The following HUWE1 variants were observed in gnomAD, a reference collection of about 807,000 sequenced individuals.
HUWE1 encodes E3 ubiquitin-protein ligase HUWE1.
In HUWE1, 18 loss-of-function variants were observed where a neutral mutation model predicts 299.4. That is an observed-to-expected ratio of 0.06 (90% CI 0.04 to 0.09). The LOEUF is 0.09. HUWE1 is among the 10% of genes least tolerant of loss of function. The pLI, the probability that HUWE1 is intolerant of heterozygous loss-of-function variation, is 1.00. For missense variants in HUWE1, 1,832 were observed against 3,462.3 expected, an observed-to-expected ratio of 0.53 and a Z score of 11.82; for synonymous variants, 1,317 against 1,286.1, an observed-to-expected ratio of 1.02 and a Z score of -0.51.
chrX:53,579,684 C>T (rs2063507713), intron 43 of HUWE1, among the ~76,000 whole-genome samples: 2 of 97,800 alleles, frequency 2.0e-5, no homozygotes, highest in Non-Finnish European at 4.1e-5. Flanking sequence ...GTGCTGTGTC[C>T]ACTCAGGGTT....
At chrX:53,643,535 A>G (rs1026407241) in intron 7 of HUWE1, among the ~76,000 whole-genome samples, 3 of 111,177 alleles carry the variant, frequency 2.7e-5, no homozygotes, top group Non-Finnish European at 3.8e-5. Context: ...TTGTTTTAGT[A>G]GAGATGGGGT....
rs782366149 is a variant in HUWE1, at chrX:53,612,606, GGTGA to G, written c.2261+1924_2261+1927del. 6.6e-3 allele frequency among the ~76,000 whole-genome samples: 741 copies of G among 111,796 alleles called. 3 individuals are homozygous for G. The highest frequency in any genetic ancestry group is 0.019 in the Middle Eastern group (4 of 216). The stretch of plus-strand genomic sequence containing the variant: ...ATGTCTTGCTCTTGAGGAGCTTATA[GGTGA>G]GTGAGGAAAACCATTAACATGTATG... On this transcript the variant is annotated intron_variant, in intron 23 of 83. Transcript: ENST00000262854.
At chrX:53,659,598 G>A (rs1369360757) in intron 3 of HUWE1, among the ~76,000 whole-genome samples, 1 of 111,970 alleles carries the variant, frequency 8.9e-6, no homozygotes, top group Non-Finnish European at 1.9e-5. Flanking sequence ...AAACTACTCT[G>A]TATGATACTA....
intron 82 of HUWE1, 149 bp downstream of exon 82, chrX:53,534,367 G>A (rs2060908592): frequency 3.0e-6 from 2 of 659,455 alleles, no homozygotes; most frequent in African/African-American, 2.2e-5. Context: ...AGTCTGCTAT[G>A]CTTCAGGAGA....
chrX:53,669,094 T>C (rs966896025), intron 3 of HUWE1, among the ~76,000 whole-genome samples: 14 of 112,653 alleles, frequency 1.2e-4, no homozygotes, highest in Non-Finnish European at 1.7e-4. Flanking sequence ...TTCTTTTGCA[T>C]GGTTTAAAAG....
intron 53 of HUWE1, 37 bp from the exon 54 acceptor site, chrX:53,562,281 G>A (rs372557581): frequency 8.1e-5 from 97 of 1,198,876 alleles, no homozygotes; most frequent in Non-Finnish European, 1.0e-4. Context: ...ACTAAACTGA[G>A]TAGCTAGAAA....
chrX:53,630,911 GT>G (rs1176114830), intron 12 of HUWE1, 23 bp downstream of exon 12: 1 of 900,852 alleles, frequency 1.1e-6, no homozygotes, highest in Non-Finnish European at 1.6e-6. Flanking sequence ...ATACGGCCTG[GT>G]AATTAAAGTA....
chrX:53,662,389 C>T (rs2069049412), intron 3 of HUWE1, among the ~76,000 whole-genome samples: 1 of 111,594 alleles, frequency 9.0e-6, no homozygotes, highest in Non-Finnish European at 1.9e-5. Flanking sequence ...CTAAGTTCGC[C>T]GCTGGAATGT....
At chrX:53,623,271 TTTTCTC>T (rs2066261138) in intron 19 of HUWE1, among the ~76,000 whole-genome samples, 1 of 111,451 alleles carries the variant, frequency 9.0e-6, no homozygotes. Context: ...CTGTGTATCC[TTTTCTC>T]TTTCTCTCTG....
intron 4 of HUWE1, among the ~76,000 whole-genome samples, chrX:53,652,931 A>AT (rs1308609972): frequency 8.9e-6 from 1 of 112,426 alleles, no homozygotes; most frequent in Non-Finnish European, 1.9e-5. Flanking sequence ...ACATGTAATA[A>AT]TTTTTTAAAA....
intron 83 of HUWE1, chrX:53,533,626 C>T (rs1556908647): frequency 2.2e-6 from 1 of 454,909 alleles, no homozygotes; most frequent in African/African-American, 2.4e-5. Flanking sequence ...CCTGTCACTC[C>T]TCCTTAAACA....
chrX:53,594,832 G>A (rs182003526), intron 30 of HUWE1, among the ~76,000 whole-genome samples: 75 of 111,645 alleles, frequency 6.7e-4, no homozygotes, highest in African/African-American at 2.3e-3. Context: ...CAAAGTACAT[G>A]TTCATGGGAG....
chrX:53,562,711 T>C (rs2062353677), intron 53 of HUWE1, 120 bp downstream of exon 53: 3 of 565,758 alleles, frequency 5.3e-6, no homozygotes, highest in Non-Finnish European at 9.2e-6. Context: ...TGTCAGCGCA[T>C]GCAGACAGAT....
At chrX:53,541,642 A>T (rs1031728565) in intron 74 of HUWE1, among the ~76,000 whole-genome samples, 7 of 111,289 alleles carry the variant, frequency 6.3e-5, no homozygotes, top group Non-Finnish European at 9.4e-5. Context: ...AAGTGAGAGG[A>T]TGGCTTGAGG....
chrX:53,664,086 T>C (rs1156343299), intron 3 of HUWE1, among the ~76,000 whole-genome samples: 6 of 111,280 alleles, frequency 5.4e-5, no homozygotes, highest in Non-Finnish European at 1.1e-4. Context: ...GGTCTCATTC[T>C]GTCACCTAGG....
chrX:53,540,330 C>T (rs1328247266), intron 74 of HUWE1, among the ~76,000 whole-genome samples: 1 of 109,871 alleles, frequency 9.1e-6, no homozygotes, highest in Non-Finnish European at 1.9e-5. Flanking sequence ...AAGTCTAATG[C>T]CTTTTTTTTT....
At chrX:53,637,393 A>C (rs1176016836) in intron 7 of HUWE1, among the ~76,000 whole-genome samples, 3 of 112,846 alleles carry the variant, frequency 2.7e-5, no homozygotes, top group Non-Finnish European at 5.6e-5. Flanking sequence ...GCTGAAAACC[A>C]TAAAGTAAGG....
intron 4 of HUWE1, among the ~76,000 whole-genome samples, chrX:53,653,120 T>C (rs1217993297): frequency 1.8e-5 from 2 of 111,995 alleles, no homozygotes; most frequent in Non-Finnish European, 3.8e-5. Flanking sequence ...CACTCCAGCC[T>C]GTGTGACAGA....
At chrX:53,663,030 CGA>C (rs1177979623) in intron 3 of HUWE1, among the ~76,000 whole-genome samples, 3 of 112,065 alleles carry the variant, frequency 2.7e-5, no homozygotes, top group African/African-American at 9.7e-5. Context: ...TATGCTATCA[CGA>C]GAGACGAAAG....
Sources: allele counts gnomAD v4.1 joint callset (sites outside exome capture counted in the v4.1 genomes callset), GRCh38; gene constraint gnomAD v4.1.1; transcripts MANE v1.5; gene names NCBI Gene and HGNC (gene_info 2026-07-23, HGNC 2026-07-21).